The following GLT8D2 variants were observed in gnomAD, a reference collection of about 807,000 sequenced individuals.
GLT8D2 encodes glycosyltransferase 8 domain containing 2.
A neutral mutation model predicts 44.5 loss-of-function variants in GLT8D2; 45 were observed. The observed-to-expected ratio is 1.01, with a 90% CI of 0.80 to 1.30. The LOEUF is 1.30. GLT8D2 is among the 50% of genes most tolerant of loss of function. GLT8D2 has a pLI of 0.00. For synonymous variants in GLT8D2, 156 were observed against 157.2 expected (o/e 0.99, Z 0.06); for missense variants, 400 against 430.4 (o/e 0.93, Z 0.62).
intron 3 of GLT8D2, among the ~76,000 whole-genome samples, chr12:104,019,118 C>CTTTTTTTTTTTTTTTTTTT (rs11291563): frequency 8.6e-6 from 1 of 116,464 alleles, no homozygotes; most frequent in African/African-American, 3.3e-5. Context: ...ACTTCTTCTT[C>CTTTTTTTTTTTTTTTTTTT]TTTTTTTTTT....
intron 5 of GLT8D2, among the ~76,000 whole-genome samples, chr12:104,002,754 A>C (rs1874387748): frequency 6.6e-6 from 1 of 152,112 alleles, no homozygotes; most frequent in Admixed American, 6.6e-5. Flanking sequence ...GACAAACCTA[A>C]GCAACAAAGA....
At chr12:104,007,608 T>A (rs2700513) in intron 4 of GLT8D2, among the ~76,000 whole-genome samples, 136,994 of 152,298 alleles carry the variant, frequency 0.9, 61,699 homozygotes, top group East Asian at 1. Flanking sequence ...ATTTGATCAC[T>A]ATTTGATACA....
chr12:103,996,510 G>A (rs548001364), intron 8 of GLT8D2, among the ~76,000 whole-genome samples: 3 of 152,318 alleles, frequency 2.0e-5, no homozygotes, highest in Admixed American at 6.5e-5. Flanking sequence ...AGGTAAGGAA[G>A]GTGGGACCTT....
In GLT8D2 at chr12:103,997,449, A is replaced by T. The variant is rs1566190734; in HGVS notation, c.487+2T>A. On this transcript the variant is annotated splice_donor_variant, in intron 7 of 10. Coordinates refer to ENST00000360814, the MANE Select transcript of GLT8D2 (RefSeq NM_001384711.1). LOFTEE classifies it high-confidence loss of function. ...AGTGTTCTTGGCAGTTAGCGAGAGTACCTTGTACAATTACATCATCGTCCA... is the reference window on the plus strand; with the variant it reads ...AGTGTTCTTGGCAGTTAGCGAGAGTTCCTTGTACAATTACATCATCGTCCA... 2 of 1,602,652 alleles carry T rather than the reference A, an allele frequency of 1.2e-6. No individual in the cohort carries two copies. The highest frequency in any genetic ancestry group is 1.7e-6 in the Non-Finnish European group (2 of 1,169,490).
At chr12:104,020,346 T>G (rs1485824989) in intron 2 of GLT8D2, among the ~76,000 whole-genome samples, 2 of 152,178 alleles carry the variant, frequency 1.3e-5, no homozygotes, top group Admixed American at 1.3e-4. Context: ...CTATGCCATC[T>G]TTCTACTATC....
chr12:104,016,221 C>T (rs986772373), intron 3 of GLT8D2, among the ~76,000 whole-genome samples: 10 of 152,166 alleles, frequency 6.6e-5, no homozygotes, highest in Admixed American at 1.3e-4. Flanking sequence ...GTGGGTCTGC[C>T]GTATGTGGCT....
intron 1 of GLT8D2, among the ~76,000 whole-genome samples, chr12:104,061,886 G>A (rs1882678131): frequency 6.7e-6 from 1 of 149,194 alleles, no homozygotes; most frequent in African/African-American, 2.5e-5. Flanking sequence ...TGAGGCAGGA[G>A]AATTGCTTGA....
chr12:103,996,956 G>T, intron 7 of GLT8D2, 109 bp from the exon 8 acceptor site: 1 of 671,136 alleles, frequency 1.5e-6, no homozygotes, highest in Non-Finnish European at 2.6e-6. Flanking sequence ...AAGAGTATTG[G>T]ATCCCTGATT....
intron 7 of GLT8D2, 138 bp downstream of exon 7, chr12:103,997,313 A>G: frequency 1.5e-6 from 1 of 677,928 alleles, no homozygotes; most frequent in Non-Finnish European, 2.6e-6. Context: ...TTCCACATTT[A>G]CAACAATACT....
At chr12:104,034,099 C>A (rs969165507) in intron 1 of GLT8D2, among the ~76,000 whole-genome samples, 2 of 152,164 alleles carry the variant, frequency 1.3e-5, no homozygotes, top group African/African-American at 4.8e-5. Context: ...AACTTTATGT[C>A]ATTTTAATTA....
intron 10 of GLT8D2, among the ~76,000 whole-genome samples, chr12:103,990,930 T>C (rs922813511): frequency 1.3e-5 from 2 of 152,312 alleles, no homozygotes; most frequent in South Asian, 2.1e-4. Flanking sequence ...TTTAGCTAAA[T>C]ATATTTTGTA....
chr12:103,993,146 C>G lies in GLT8D2; in HGVS notation c.880+246G>C, dbSNP rs760593184. On this transcript the variant is annotated intron_variant, in intron 10 of 10. Coordinates refer to ENST00000360814, the MANE Select transcript of GLT8D2 (RefSeq NM_001384711.1). ...AGGAGTTTGAGACCAGCCTGGCCAA[C>G]ATGGTGAAACCCCATCTGTACTAAA... is the stretch of plus-strand genomic sequence containing the variant. Among the ~76,000 whole-genome samples, 96 of 152,126 alleles carry G rather than the reference C, an allele frequency of 6.3e-4. 1 individual carries two copies. Among genetic ancestry groups the G allele is most frequent in the Non-Finnish European group, 1.5e-4 (10 of 68,032 alleles).
chr12:103,997,069 G>A (rs1873524753), intron 7 of GLT8D2, among the ~76,000 whole-genome samples: 1 of 152,148 alleles, frequency 6.6e-6, no homozygotes, highest in Non-Finnish European at 1.5e-5. Context: ...CTTTATTTCT[G>A]TTGCTAAGTA....
At position 103,997,549 on chromosome 12, in the gene GLT8D2, A is replaced by G. The variant is rs1873610373; in HGVS notation, c.403-14T>C. On this transcript the variant is annotated splice_polypyrimidine_tract_variant and intron_variant, in intron 6 of 10. Coordinates refer to ENST00000360814, the MANE Select transcript of GLT8D2 (RefSeq NM_001384711.1). ...AACAAAGTTCAGCTGTTAAAACGACAAAAGAAATGATGGTGGGGGAGAGGC... is the reference window on the plus strand; with the variant it reads ...AACAAAGTTCAGCTGTTAAAACGACGAAAGAAATGATGGTGGGGGAGAGGC... 2 of 1,593,708 alleles carry G rather than the reference A, an allele frequency of 1.3e-6. No homozygotes were observed. The highest frequency in any genetic ancestry group is 2.7e-5 in the African/African-American group (2 of 74,520).
intron 1 of GLT8D2, among the ~76,000 whole-genome samples, chr12:104,042,632 C>G (rs1187989363): frequency 6.6e-6 from 1 of 152,070 alleles, no homozygotes; most frequent in Non-Finnish European, 1.5e-5. Context: ...ACTGGAGAAC[C>G]AAGGAAGTGA....
Position 103,997,509 on chromosome 12 carries a change from A to G in GLT8D2, c.429T>C (p.Pro143=). The G allele has an allele frequency of 6.2e-7, 1 of 1,613,798 alleles. No individual in the cohort carries two copies. Among genetic ancestry groups the G allele is most frequent in the Non-Finnish European group, 8.5e-7 (1 of 1,179,674 alleles). ...QPLNFVRFYL[P]LLIHQHEKVI... ...CTTTCTCGTGTTGGTGGATAAGTAG[A>G]GGGAGATAAAATCGAACAAAGTTCA... Residue 143 remains proline (P), a synonymous_variant, in exon 7 of 11, where the codon CCT becomes CCC. Transcript: ENST00000360814.
chr12:104,050,268 C>T (rs916654177), upstream of GLT8D2: 8 of 152,220 alleles, frequency 5.3e-5, no homozygotes, highest in African/African-American at 1.9e-4. Context: ...AAGTGCAAAA[C>T]ATGCAAAAAA....
chr12:104,024,169 C>G (rs951575323), intron 1 of GLT8D2, among the ~76,000 whole-genome samples: 6 of 152,056 alleles, frequency 3.9e-5, no homozygotes, highest in African/African-American at 1.4e-4. Context: ...ACCACTTGAG[C>G]TCAGGAGTTC....
intron 4 of GLT8D2, 60 bp from the exon 5 acceptor site, chr12:104,003,366 A>C: frequency 6.9e-7 from 1 of 1,442,074 alleles, no homozygotes; most frequent in Non-Finnish European, 9.7e-7. Context: ...GAGCCAGTTT[A>C]ATGCATCTTC....
Sources: allele counts gnomAD v4.1 joint callset (sites outside exome capture counted in the v4.1 genomes callset), GRCh38; gene constraint gnomAD v4.1.1; transcripts MANE v1.5; gene names NCBI Gene and HGNC (gene_info 2026-07-23, HGNC 2026-07-21).